The following CCNT1 variants were observed in gnomAD, a reference collection of about 807,000 sequenced individuals.
CCNT1 encodes the protein cyclin-T1.
CCNT1 carries 18 observed loss-of-function variants against 67.3 expected under a neutral mutation model. The observed-to-expected ratio is 0.27, with a 90% CI of 0.18 to 0.40. The LOEUF (loss-of-function observed/expected upper bound fraction) is 0.40. CCNT1 is among the 10% of genes least tolerant of loss of function. The pLI, the probability that CCNT1 is intolerant of heterozygous loss-of-function variation, is 1.00. For missense variants in CCNT1, 744 were observed against 884.9 expected (o/e 0.84, Z 2.02); for synonymous variants, 333 against 310.3 (o/e 1.07, Z -0.77).
intron 2 of CCNT1, among the ~76,000 whole-genome samples, chr12:48,711,355 G>C (rs1000320883): frequency 1.3e-5 from 2 of 151,982 alleles, no homozygotes; most frequent in Non-Finnish European, 2.9e-5. Flanking sequence ...ACTCCAGCCT[G>C]GGTGACAGAG....
At position 48,692,661 on chromosome 12, in the gene CCNT1, A is replaced by G. The variant is rs1940094778; in HGVS notation, c.*372T>C. ...CTTCCTCTCTTCTGATATATTAAACACCGAAAGGATCCACAATTGTCTGAT... is the reference window on the plus strand; with the variant it reads ...CTTCCTCTCTTCTGATATATTAAACGCCGAAAGGATCCACAATTGTCTGAT... On this transcript the variant is annotated 3_prime_UTR_variant, in exon 9 of 9. Coordinates refer to ENST00000261900, the MANE Select transcript of CCNT1 (RefSeq NM_001240.4). 3 of 178,748 alleles carry G rather than the reference A, an allele frequency of 1.7e-5. No individual in the cohort carries two copies. The South Asian group carries it at 4.4e-4, about 26-fold the overall frequency. The allele number at this position is 178,748 out of a possible 1,614,324, so 11.1% of individuals were successfully genotyped here.
At chr12:48,712,776 C>G (rs112844147) in intron 2 of CCNT1, among the ~76,000 whole-genome samples, 4 of 151,498 alleles carry the variant, frequency 2.6e-5, no homozygotes, top group African/African-American at 9.7e-5. Flanking sequence ...CTCGTCTCTA[C>G]TAAAAATACA....
intron 3 of CCNT1, among the ~76,000 whole-genome samples, chr12:48,705,268 T>C (rs761086636): frequency 1.3e-5 from 2 of 149,740 alleles, no homozygotes; most frequent in Non-Finnish European, 3.0e-5. Flanking sequence ...TGAGCCAGCA[T>C]GCCCAGTTGT....
At chr12:48,710,926 T>C (rs150374862) in intron 2 of CCNT1, among the ~76,000 whole-genome samples, 2,469 of 152,230 alleles carry the variant, frequency 0.016, 31 homozygotes, top group Non-Finnish European at 0.024. Flanking sequence ...CTGGGTGTGG[T>C]GGCAGGCGCC....
In CCNT1 at chr12:48,698,114, A is replaced by AG. The variant is rs749213985; in HGVS notation, c.542+23dup. 152 of 1,521,974 alleles carry AG rather than the reference A, an allele frequency of 1.0e-4. 1 individual carries two copies. Among genetic ancestry groups the AG allele is most frequent in the Non-Finnish European group, 1.3e-4 (148 of 1,121,914 alleles). The allele number at this position is 1,521,974 out of a possible 1,614,324, so 94.3% of individuals were successfully genotyped here. Reference sequence around the variant, plus strand: ...TAAAGTCCTATACCAAAAATCGAAGAGAAAAAAAAATTAAAATATAAACCT... The same window carrying AG: ...TAAAGTCCTATACCAAAAATCGAAGAGGAAAAAAAAATTAAAATATAAACCT... On this transcript the variant is annotated intron_variant, in intron 6 of 8. Coordinates refer to ENST00000261900, the MANE Select transcript of CCNT1 (RefSeq NM_001240.4).
chr12:48,693,425 A>G lies in CCNT1; in HGVS notation c.1789T>C (p.Ser597Pro), dbSNP rs1448123165. The change falls in exon 9 of 9, where the codon TCC (serine) becomes CCC (proline). Residue 597 changes from serine (S) to proline (P), a missense_variant. By Grantham distance (74) the Ser-to-Pro change is moderately conservative. Coordinates refer to ENST00000261900, the MANE Select transcript of CCNT1 (RefSeq NM_001240.4). ...GGGAAGGAGAAATTTAGGGAAGAGG[A>G]TTTAGTACTCTTGGCAATCTTGGCT... The part of the protein sequence containing the change: ...HPAKIAKSTK[S>P]SSLNFSFPSL... 5.6e-6 allele frequency: 9 copies of G among 1,614,094 alleles called. No individual in the cohort carries two copies. Among genetic ancestry groups the G allele is most frequent in the Non-Finnish European group, 7.6e-6 (9 of 1,180,042 alleles).
At position 48,712,582 on chromosome 12, in the gene CCNT1, AAAAAAAAAAAAAT is replaced by A. The variant is rs1212027237; in HGVS notation, c.243+1848_243+1860del. 2.8e-3 allele frequency among the ~76,000 whole-genome samples: 85 copies of A among 30,452 alleles called. 7 individuals are homozygous for A. The highest frequency in any genetic ancestry group is 5.3e-3 in the South Asian group (3 of 562). The allele number at this position is 30,452 out of a possible 152,430, so 20.0% of individuals were successfully genotyped here. On this transcript the variant is annotated intron_variant, in intron 2 of 8. Coordinates refer to ENST00000261900, the MANE Select transcript of CCNT1 (RefSeq NM_001240.4). ...CCCAGCAGGATAATCTTTTCCTTAA[AAAAAAAAAAAAAT>A]AAAAAAAAAAAAAAAAAAAAAAAGC...
chr12:48,693,388 G>A lies in CCNT1; in HGVS notation c.1826C>T (p.Thr609Ile). 1 of 1,614,220 alleles carries A rather than the reference G, an allele frequency of 6.2e-7. No homozygotes were observed. The highest frequency in any genetic ancestry group is 8.5e-7 in the Non-Finnish European group (1 of 1,180,036). Residue 609 changes from threonine to isoleucine, a missense_variant, in exon 9 of 9, where the codon ACA becomes ATA. Thr to Ile is a moderately conservative substitution (Grantham distance 89, BLOSUM62 -1). Coordinates refer to ENST00000261900, the MANE Select transcript of CCNT1 (RefSeq NM_001240.4). The part of the protein sequence containing the change: ...SLNFSFPSLP[T>I]MGQMPGHSSD... ...GCTATGCCCAGGCATCTGACCCATT[G>A]TAGGAAGTGAAGGGAAGGAGAAATT...
intron 2 of CCNT1, among the ~76,000 whole-genome samples, chr12:48,712,815 A>C: frequency 6.6e-6 from 1 of 151,614 alleles, no homozygotes; most frequent in Non-Finnish European, 1.5e-5. Context: ...TGGCACATGC[A>C]TGTAATCCCA....
chr12:48,707,251 AGATAATCG>A (rs1488085330), intron 2 of CCNT1, among the ~76,000 whole-genome samples: 1 of 151,916 alleles, frequency 6.6e-6, no homozygotes, highest in Non-Finnish European at 1.5e-5. Flanking sequence ...TAAATACATT[AGATAATCG>A]GATGTGGAAC....
In CCNT1 at chr12:48,696,236, A is replaced by AT. The variant is rs1193892702; in HGVS notation, c.543-75dup. 6 of 146,158 alleles carry AT rather than the reference A, an allele frequency of 4.1e-5. No homozygotes were observed. The Admixed American group carries it at 4.2e-4, about 10-fold the overall frequency. The allele number at this position is 146,158 out of a possible 1,614,324, so 9.1% of individuals were successfully genotyped here. On this transcript the variant is annotated intron_variant, in intron 6 of 8. Transcript: ENST00000261900. ...CAGCCCAAAGCTAAAACTCTCCATTATTTAAAAAAAAAAAAAAAAAAAAAA... is the reference window on the plus strand; with the variant it reads ...CAGCCCAAAGCTAAAACTCTCCATTATTTTAAAAAAAAAAAAAAAAAAAAAA...
intron 2 of CCNT1, among the ~76,000 whole-genome samples, chr12:48,706,269 T>C (rs1940359055): frequency 6.6e-6 from 1 of 152,160 alleles, no homozygotes; most frequent in Non-Finnish European, 1.5e-5. Flanking sequence ...AGAAAAAGTT[T>C]AGTGGTTGCC....
In CCNT1 at chr12:48,693,385, A is replaced by T. The variant is rs745817704; in HGVS notation, c.1829T>A (p.Met610Lys). 1.2e-6 allele frequency: 2 copies of T among 1,614,200 alleles called. No homozygotes were observed. Among genetic ancestry groups the T allele is most frequent in the Non-Finnish European group, 1.7e-6 (2 of 1,180,034 alleles). Residue 610 changes from methionine to lysine, a missense_variant, in exon 9 of 9, where the codon ATG (methionine) becomes AAG (lysine). Transcript: ENST00000261900. ...TGAGCTATGCCCAGGCATCTGACCC[A>T]TTGTAGGAAGTGAAGGGAAGGAGAA... ...LNFSFPSLPT[M>K]GQMPGHSSDT... is the part of the protein sequence containing the mutation.
At chr12:48,704,036 TATCA>T (rs1940315542) in intron 3 of CCNT1, among the ~76,000 whole-genome samples, 1 of 152,182 alleles carries the variant, frequency 6.6e-6, no homozygotes, top group Non-Finnish European at 1.5e-5. Context: ...TTCACATATA[TATCA>T]TTAAATACTA....
chr12:48,712,595 T>TAAAAAA (rs759919820), intron 2 of CCNT1, among the ~76,000 whole-genome samples: 15 of 33,364 alleles, frequency 4.5e-4, no homozygotes, highest in Admixed American at 5.0e-4. Context: ...AAAAAAAAAA[T>TAAAAAA]AAAAAAAAAA....
chr12:48,705,305 T>G (rs200018327), intron 3 of CCNT1, among the ~76,000 whole-genome samples: 1 of 131,712 alleles, frequency 7.6e-6, no homozygotes, highest in Non-Finnish European at 1.6e-5. Context: ...TGTTGTTGTT[T>G]TTCTTTTTTT....
At chr12:48,699,926 A>G (rs1005811512) in intron 4 of CCNT1, 86 bp from the exon 5 acceptor site, 3 of 786,350 alleles carry the variant, frequency 3.8e-6, no homozygotes, top group Admixed American at 2.3e-5. Flanking sequence ...ATTGTAAATT[A>G]CACCTTACTG....
intron 2 of CCNT1, among the ~76,000 whole-genome samples, chr12:48,706,909 A>T (rs930246824): frequency 2.0e-5 from 3 of 152,180 alleles, no homozygotes; most frequent in Non-Finnish European, 2.9e-5. Flanking sequence ...ATAATTTAAA[A>T]CAAAATTTTT....
Position 48,701,219 on chromosome 12 carries a change from T to A in CCNT1, c.373-146A>T, listed in dbSNP as rs1940261617. 8.6e-4 allele frequency: 27 copies of A among 31,294 alleles called. 1 individual carries two copies. In the East Asian group the frequency reaches 0.03, roughly 34 times the overall value. The allele number at this position is 31,294 out of a possible 1,614,324, so 1.9% of individuals were successfully genotyped here. On this transcript the variant is annotated intron_variant, in intron 3 of 8. Transcript: ENST00000261900. ...AGAGTTAAGAACTGAAATACAATCTTTTTTTTTTTTTTTTTTTTTTTTTTT... is the reference window on the plus strand; with the variant it reads ...AGAGTTAAGAACTGAAATACAATCTATTTTTTTTTTTTTTTTTTTTTTTTT...
Sources: allele counts gnomAD v4.1 joint callset (sites outside exome capture counted in the v4.1 genomes callset), GRCh38; gene constraint gnomAD v4.1.1; transcripts MANE v1.5; gene names NCBI Gene and HGNC (gene_info 2026-07-23, HGNC 2026-07-21).